Variants in PRR14L observed in about 807,000 individuals in gnomAD.
PRR14L encodes proline rich 14 like.
A neutral mutation model predicts 155.0 loss-of-function variants in PRR14L; 80 were observed. That is an observed-to-expected ratio of 0.52 (90% confidence interval 0.43 to 0.62). The LOEUF is 0.62. Ranked by LOEUF, PRR14L falls within the 20% of genes least tolerant of loss-of-function variation. The pLI is 0.00. For synonymous variants in PRR14L, 883 were observed against 916.0 expected (o/e 0.96, Z 0.65); for missense variants, 2,469 against 2,548.0 (o/e 0.97, Z 0.67).
rs201873959 is a variant in PRR14L, at chr22:31,685,819, G to A, written c.6180-16C>T. The A allele has an allele frequency of 7.8e-4, 1,215 of 1,549,080 alleles. 4 individuals carry two copies. The highest frequency in any genetic ancestry group is 1.0e-3 in the Non-Finnish European group (1,145 of 1,145,108). The stretch of plus-strand genomic sequence containing the variant: ...CTCTAAACACCTAAGGATGAAGCAC[G>A]AAACAATCACCAACAGACTGACTCA... On this transcript the variant is annotated splice_polypyrimidine_tract_variant and intron_variant, in intron 8 of 8. Coordinates refer to ENST00000327423, the MANE Select transcript of PRR14L (RefSeq NM_173566.3).
chr22:31,747,732 T>A (rs1339246898), intron 1 of PRR14L, among the ~76,000 whole-genome samples: 1 of 151,368 alleles, frequency 6.6e-6, no homozygotes, highest in Non-Finnish European at 1.5e-5. Context: ...TAAGAACACT[T>A]TACATACAAA....
At chr22:31,700,393 T>C (rs1460528972) in intron 7 of PRR14L, among the ~76,000 whole-genome samples, 3 of 152,100 alleles carry the variant, frequency 2.0e-5, no homozygotes, top group African/African-American at 7.2e-5. Context: ...AGACATACAA[T>C]AGATCAACAA....
chr22:31,702,420 C>T (rs965937003), intron 6 of PRR14L, among the ~76,000 whole-genome samples: 4 of 152,102 alleles, frequency 2.6e-5, no homozygotes, highest in Non-Finnish European at 5.9e-5. Flanking sequence ...AGGGTTTCTC[C>T]ATGTTGGTCA....
At chr22:31,698,605 T>C (rs973558233) in intron 7 of PRR14L, among the ~76,000 whole-genome samples, 6 of 151,746 alleles carry the variant, frequency 4.0e-5, no homozygotes, top group African/African-American at 1.2e-4. Flanking sequence ...TTTACAATAA[T>C]TCTGAATCAT....
At chr22:31,731,363 G>C (rs955160154) in intron 2 of PRR14L, among the ~76,000 whole-genome samples, 3 of 151,906 alleles carry the variant, frequency 2.0e-5, no homozygotes, top group Non-Finnish European at 2.9e-5. Flanking sequence ...AGGAGATTGA[G>C]ACCATCCTGG....
chr22:31,729,921 C>CT (rs1977216019), intron 2 of PRR14L, among the ~76,000 whole-genome samples: 1 of 152,026 alleles, frequency 6.6e-6, no homozygotes, highest in Admixed American at 6.6e-5. Context: ...CGCCTGTAAT[C>CT]CCAGCACTAT....
Position 31,738,660 on chromosome 22 carries a change from C to T in PRR14L, c.201G>A (p.Leu67=). 1 of 1,552,100 alleles carries T rather than the reference C, an allele frequency of 6.4e-7. No individual in the cohort carries two copies. Among genetic ancestry groups the T allele is most frequent in the Non-Finnish European group, 8.7e-7 (1 of 1,147,078 alleles). The change falls in exon 2 of 9, where the codon CTG becomes CTA. Residue 67 remains leucine (L), a synonymous_variant. Transcript: ENST00000327423. The part of the protein sequence containing the change: ...LSQNRALPLE[L]QRTHVESCCE... The stretch of plus-strand genomic sequence containing the variant: ...AACAACTCTCCACATGAGTCCTCTG[C>T]AGCTCCAAGGGCAATGCCCTATTCT...
In PRR14L at chr22:31,743,037, C is replaced by T. The variant is rs188136273; in HGVS notation, c.-51-4126G>A. ...GCAAATCTTACTATGAACCCAGCTACTAAGAGGGGAGGATCACGCCCATGG... is the reference window on the plus strand; with the variant it reads ...GCAAATCTTACTATGAACCCAGCTATTAAGAGGGGAGGATCACGCCCATGG... On this transcript the variant is annotated intron_variant, in intron 1 of 8. Transcript: ENST00000327423. Among the ~76,000 whole-genome samples the T allele has an allele frequency of 1.2e-4, 18 of 152,200 alleles. No homozygotes were observed. In the East Asian group the frequency reaches 3.5e-3, roughly 29 times the overall value.
intron 4 of PRR14L, among the ~76,000 whole-genome samples, chr22:31,708,447 C>T (rs1426728565): frequency 6.6e-6 from 1 of 151,876 alleles, no homozygotes; most frequent in Non-Finnish European, 1.5e-5. Context: ...CTGCCTCAGC[C>T]TCCTGAGTAG....
In PRR14L at chr22:31,693,194, G is replaced by A. The variant is rs77817454; in HGVS notation, c.6108-4967C>T. Among the ~76,000 whole-genome samples, 299 of 152,256 alleles carry A rather than the reference G, an allele frequency of 2.0e-3. 2 individuals are homozygous for A. Among genetic ancestry groups the A allele is most frequent in the South Asian group, 0.015 (71 of 4,820 alleles). Reference sequence around the variant, plus strand: ...ATAATGCCATGTATCCCTCATTACAGTAACACACATAACAGTTTTCACTGC... The same window carrying A: ...ATAATGCCATGTATCCCTCATTACAATAACACACATAACAGTTTTCACTGC... On this transcript the variant is annotated intron_variant, in intron 7 of 8. Transcript: ENST00000327423.
At chr22:31,695,613 CA>C (rs1177574763) in intron 7 of PRR14L, among the ~76,000 whole-genome samples, 1 of 152,166 alleles carries the variant, frequency 6.6e-6, no homozygotes, top group African/African-American at 2.4e-5. Context: ...TCTCCTGAAG[CA>C]AAAACCACAT....
intron 2 of PRR14L, among the ~76,000 whole-genome samples, chr22:31,735,283 T>C (rs1226843420): frequency 6.6e-6 from 1 of 151,932 alleles, no homozygotes; most frequent in Middle Eastern, 3.2e-3. Flanking sequence ...ACTAAAAAAA[T>C]ACAAAAATTT....
chr22:31,706,141 G>C (rs1364838437), intron 4 of PRR14L, among the ~76,000 whole-genome samples: 2 of 152,026 alleles, frequency 1.3e-5, no homozygotes, highest in African/African-American at 4.8e-5. Context: ...AGACCAGCCT[G>C]GCCAACACGA....
In PRR14L at chr22:31,681,602, CAG is replaced by C. The variant is rs2074454086; in HGVS notation, c.*3923_*3924del. The C allele has an allele frequency of 6.6e-6, 1 of 152,134 alleles. No homozygotes were observed. Among genetic ancestry groups the C allele is most frequent in the South Asian group, 2.1e-4 (1 of 4,818 alleles). 9.4% of individuals were successfully genotyped at this position (152,134 alleles called of 1,614,324 possible). ...CAAGAATTCAAATCCAATTCAGCACCAGAGAGGGGCTTGTGAAGACACACAAT... is the reference window on the plus strand; with the variant it reads ...CAAGAATTCAAATCCAATTCAGCACCAGAGGGGCTTGTGAAGACACACAAT... On this transcript the variant is annotated 3_prime_UTR_variant, in exon 9 of 9. Transcript: ENST00000327423.
chr22:31,713,930 A>G lies in PRR14L; in HGVS notation c.3909T>C (p.Cys1303=), dbSNP rs1350712444. The part of the protein sequence containing the change: ...NSSDRDSVCT[C]VEKNACKACH... ...AAGCTTTGCAAGCATTCTTTTCCAC[A>G]CAGGTACATACGCTGTCTCTGTCAC... The change falls in exon 4 of 9, where the codon TGT becomes TGC. Residue 1303 remains cysteine (C), a synonymous_variant. Coordinates refer to ENST00000327423, the MANE Select transcript of PRR14L (RefSeq NM_173566.3). 6 of 1,551,714 alleles carry G rather than the reference A, an allele frequency of 3.9e-6. No individual in the cohort carries two copies. Among genetic ancestry groups the G allele is most frequent in the East Asian group, 4.9e-5 (2 of 40,936 alleles).
chr22:31,711,357 G>C (rs1009190458), intron 4 of PRR14L, among the ~76,000 whole-genome samples: 2 of 152,120 alleles, frequency 1.3e-5, no homozygotes, highest in South Asian at 2.1e-4. Flanking sequence ...TGTAATCCCA[G>C]CTACTCGGGA....
chr22:31,705,843 T>C (rs2074588011), intron 4 of PRR14L, among the ~76,000 whole-genome samples: 1 of 149,670 alleles, frequency 6.7e-6, no homozygotes, highest in South Asian at 2.1e-4. Flanking sequence ...CTACTAAAAA[T>C]ACAAAAAATT....
intron 1 of PRR14L, among the ~76,000 whole-genome samples, chr22:31,749,728 G>A (rs574451028): frequency 6.6e-6 from 1 of 152,316 alleles, no homozygotes; most frequent in South Asian, 2.1e-4. Context: ...GGGGATCCCT[G>A]TTGTATCGAG....
chr22:31,722,735 T>A (rs1179303333), intron 3 of PRR14L, among the ~76,000 whole-genome samples: 2 of 152,080 alleles, frequency 1.3e-5, no homozygotes, highest in Non-Finnish European at 2.9e-5. Flanking sequence ...GGTTTCACTG[T>A]GTTAGCCAAG....
Sources: allele counts gnomAD v4.1 joint callset (sites outside exome capture counted in the v4.1 genomes callset), GRCh38; gene constraint gnomAD v4.1.1; transcripts MANE v1.5; gene names NCBI Gene and HGNC (gene_info 2026-07-23, HGNC 2026-07-21).